PALD1: variants seen among roughly 807,000 people sequenced by gnomAD.
PALD1 encodes paladin.
In PALD1, 57 loss-of-function variants were observed where a neutral mutation model predicts 96.0. The ratio of observed to expected loss-of-function variants is 0.59; its 90% CI spans 0.48 to 0.74. The LOEUF (loss-of-function observed/expected upper bound fraction) is 0.74, where lower values mean the gene tolerates loss of function less well. Among genes scored for constraint, PALD1 ranks in the 30% least tolerant of loss-of-function variants. The pLI, the probability that PALD1 is intolerant of heterozygous loss-of-function variation, is 0.00. For missense variants in PALD1, 1,063 were observed against 1,143.7 expected, an observed-to-expected ratio of 0.93 and a Z score of 1.02; for synonymous variants, 464 against 473.6, an observed-to-expected ratio of 0.98 and a Z score of 0.26.
At chr10:70,533,887 TCTC>T in intron 7 of PALD1, 32 bp from the exon 8 acceptor site, 1 of 1,516,076 alleles carries the variant, frequency 6.6e-7, no homozygotes, top group Non-Finnish European at 8.9e-7. Context: ...GGTTTCCTGG[TCTC>T]ACTGGGGCCT....
chr10:70,487,921 G>T (rs1044191949), intron 1 of PALD1, among the ~76,000 whole-genome samples: 1 of 152,158 alleles, frequency 6.6e-6, no homozygotes, highest in African/African-American at 2.4e-5. Context: ...TCTACTTTCT[G>T]TCACTATGAT....
chr10:70,464,491 T>A, the PALD1 span, among the ~76,000 whole-genome samples: 1 of 151,116 alleles, frequency 6.6e-6, no homozygotes, highest in Non-Finnish European at 1.5e-5. Flanking sequence ...TGGGATTACA[T>A]GCATGAGCCA....
intron 18 of PALD1, among the ~76,000 whole-genome samples, chr10:70,552,799 C>T (rs904824992): frequency 6.6e-6 from 1 of 152,196 alleles, no homozygotes; most frequent in Non-Finnish European, 1.5e-5. Flanking sequence ...ATCTCACAGG[C>T]TTTTTGCAGC....
chr10:70,487,762 G>A (rs577099512), intron 1 of PALD1, among the ~76,000 whole-genome samples: 20 of 151,904 alleles, frequency 1.3e-4, no homozygotes, highest in African/African-American at 3.4e-4. Context: ...ATACACCTGC[G>A]TGAAGTGTGC....
rs1442048959 is a variant in PALD1, at chr10:70,566,637, G to A, written c.2475G>A (p.Leu825=). 1 of 1,609,932 alleles carries A rather than the reference G, an allele frequency of 6.2e-7. No individual in the cohort carries two copies. Among genetic ancestry groups the A allele is most frequent in the Non-Finnish European group, 8.5e-7 (1 of 1,178,338 alleles). Residue 825 remains leucine, a synonymous_variant, in exon 20 of 20, where the codon CTG becomes CTA. Transcript: ENST00000263563. ...EILNELGFPE[L]ESGEDQPFSR... is the part of the protein sequence containing the mutation. ...TTAACGAGCTGGGCTTCCCCGAGCT[G>A]GAGAGCGGGGAGGACCAGCCCTTCT...
chr10:70,472,013 G>C, the PALD1 span, among the ~76,000 whole-genome samples: 1 of 152,126 alleles, frequency 6.6e-6, no homozygotes, highest in Non-Finnish European at 1.5e-5. Context: ...TGGGGGCCTC[G>C]GCCTTTGGAA....
intron 1 of PALD1, among the ~76,000 whole-genome samples, chr10:70,506,234 G>A (rs949979414): frequency 2.0e-5 from 3 of 152,192 alleles, no homozygotes; most frequent in African/African-American, 7.2e-5. Flanking sequence ...GTCACCGCGA[G>A]TGCATATCTC....
In PALD1 at chr10:70,541,082, A is replaced by C. The variant is rs1847233624; in HGVS notation, c.1909-20A>C. 2.5e-6 allele frequency: 4 copies of C among 1,580,258 alleles called. No homozygotes were observed. Among genetic ancestry groups the C allele is most frequent in the Middle Eastern group, 1.7e-4 (1 of 5,886 alleles). On this transcript the variant is annotated intron_variant, in intron 15 of 19. Coordinates refer to ENST00000263563, the MANE Select transcript of PALD1 (RefSeq NM_014431.3). ...ATCCAAGAGACGCCCGCTGACCCAG[A>C]CCTTGCTTTTCTCGTCCAGGACTTT...
At chr10:70,530,203 C>T (rs899726028) in intron 4 of PALD1, 135 bp downstream of exon 4, 1 of 653,368 alleles carries the variant, frequency 1.5e-6, no homozygotes, top group Non-Finnish European at 2.4e-6. Flanking sequence ...GGACCAGGCC[C>T]TGCCTGCCAG....
chr10:70,551,976 C>T (rs909046304), intron 18 of PALD1, among the ~76,000 whole-genome samples: 2 of 152,238 alleles, frequency 1.3e-5, no homozygotes, highest in Non-Finnish European at 1.5e-5. Context: ...GCTTCGTGCA[C>T]TTGCATGCAG....
chr10:70,548,388 C>A (rs373576765), intron 18 of PALD1, among the ~76,000 whole-genome samples: 1 of 152,226 alleles, frequency 6.6e-6, no homozygotes, highest in East Asian at 1.9e-4. Context: ...TCAAGCCTGC[C>A]TGGGTCCCCA....
chr10:70,531,703 A>G (rs1846995667), intron 5 of PALD1, among the ~76,000 whole-genome samples: 1 of 151,706 alleles, frequency 6.6e-6, no homozygotes, highest in African/African-American at 2.4e-5. Context: ...TTATTTAGAA[A>G]GGGGTCTGGT....
At chr10:70,537,939 T>C (rs1847150311) in intron 11 of PALD1, 33 bp downstream of exon 11, 1 of 1,431,008 alleles carries the variant, frequency 7.0e-7, no homozygotes, top group East Asian at 2.3e-5. Flanking sequence ...CCACGTCCCC[T>C]CCTCCTGGGC....
intron 1 of PALD1, among the ~76,000 whole-genome samples, chr10:70,502,805 C>G (rs1021419883): frequency 6.6e-6 from 1 of 152,284 alleles, no homozygotes; most frequent in Admixed American, 6.5e-5. Flanking sequence ...GTGTTTCCAC[C>G]CTGGTTCACC....
chr10:70,541,367 C>T (rs1847242462), intron 16 of PALD1, 96 bp from the exon 17 acceptor site: 1 of 1,522,440 alleles, frequency 6.6e-7, no homozygotes, highest in Non-Finnish European at 9.1e-7. Flanking sequence ...GTCCCAGAGC[C>T]CCTTCCATCA....
At chr10:70,470,949 G>C in the PALD1 span, among the ~76,000 whole-genome samples, 1 of 151,492 alleles carries the variant, frequency 6.6e-6, no homozygotes, top group African/African-American at 2.4e-5. Flanking sequence ...TTACAGGCAT[G>C]CGCCACCACA....
chr10:70,560,558 G>T (rs1272521428), intron 18 of PALD1, among the ~76,000 whole-genome samples: 1 of 152,014 alleles, frequency 6.6e-6, no homozygotes, highest in African/African-American at 2.4e-5. Flanking sequence ...AGGATGTGAC[G>T]CGCTCGGCCC....
At chr10:70,538,020 A>C in intron 11 of PALD1, 114 bp downstream of exon 11, 1 of 858,666 alleles carries the variant, frequency 1.2e-6, no homozygotes, top group Admixed American at 2.1e-5. Context: ...CGGGGAGGGA[A>C]GGGAGGCCAG....
chr10:70,480,959 T>A (rs1845920508), intron 1 of PALD1, among the ~76,000 whole-genome samples: 1 of 152,128 alleles, frequency 6.6e-6, no homozygotes, highest in African/African-American at 2.4e-5. Context: ...CACAGACATG[T>A]GCGGGGACAG....
Sources: allele counts gnomAD v4.1 joint callset (sites outside exome capture counted in the v4.1 genomes callset), GRCh38; gene constraint gnomAD v4.1.1; transcripts MANE v1.5; gene names NCBI Gene and HGNC (gene_info 2026-07-23, HGNC 2026-07-21).